Variants in FAT3 observed in about 807,000 individuals in gnomAD.
FAT3 encodes protocadherin Fat 3.
A neutral mutation model predicts 310.2 loss-of-function variants in FAT3; 95 were observed. That is an observed-to-expected ratio of 0.31 (90% CI 0.26 to 0.36). FAT3 has a LOEUF of 0.36. FAT3 is among the 10% of genes least tolerant of loss of function. FAT3 has a pLI of 1.00. For synonymous variants in FAT3, 2,314 were observed against 2,192.9 expected (o/e 1.06, Z -1.54); for missense variants, 5,408 against 5,715.6 (o/e 0.95, Z 1.74).
chr11:92,317,818 C>A (rs1171594398), intron 1 of FAT3, among the ~76,000 whole-genome samples: 1 of 152,126 alleles, frequency 6.6e-6, no homozygotes, highest in Non-Finnish European at 1.5e-5. Context: ...AGCAGTTTTC[C>A]CCAAAGTGGC....
At chr11:92,265,827 T>A (rs1945928310) in intron 1 of FAT3, among the ~76,000 whole-genome samples, 1 of 152,028 alleles carries the variant, frequency 6.6e-6, no homozygotes, top group South Asian at 2.1e-4. Flanking sequence ...ACCCTCATGA[T>A]TTAATCACCT....
chr11:92,361,465 C>G (rs1460364644), intron 2 of FAT3, among the ~76,000 whole-genome samples: 1 of 151,986 alleles, frequency 6.6e-6, no homozygotes, highest in South Asian at 2.1e-4. Context: ...ATTCCACCCT[C>G]GTGAATGGGA....
chr11:92,298,736 A>G (rs1946915659), intron 1 of FAT3, among the ~76,000 whole-genome samples: 1 of 152,122 alleles, frequency 6.6e-6, no homozygotes, highest in Admixed American at 6.6e-5. Flanking sequence ...TGTTCAGCCT[A>G]AATAACTAAG....
intron 2 of FAT3, among the ~76,000 whole-genome samples, chr11:92,488,512 T>G (rs1248546450): frequency 9.0e-6 from 1 of 110,594 alleles, no homozygotes; most frequent in East Asian, 3.1e-4. Context: ...GCACAATAAT[T>G]TGTACTTATA....
intron 2 of FAT3, among the ~76,000 whole-genome samples, chr11:92,457,529 G>A (rs991383724): frequency 6.6e-6 from 1 of 152,004 alleles, no homozygotes; most frequent in African/African-American, 2.4e-5. Context: ...AACATTAGTC[G>A]ATATCCTGGC....
At chr11:92,583,523 G>A (rs1938939860) in intron 3 of FAT3, among the ~76,000 whole-genome samples, 1 of 152,014 alleles carries the variant, frequency 6.6e-6, no homozygotes, top group African/African-American at 2.4e-5. Flanking sequence ...AAACCGCAAA[G>A]TATAAATGAT....
intron 3 of FAT3, among the ~76,000 whole-genome samples, chr11:92,586,048 A>G (rs534797125): frequency 1.3e-5 from 2 of 152,112 alleles, no homozygotes; most frequent in South Asian, 4.1e-4. Flanking sequence ...GAGATGACTG[A>G]TGATATACTG....
At chr11:92,257,018 G>C (rs1387153678) in intron 1 of FAT3, among the ~76,000 whole-genome samples, 4 of 151,944 alleles carry the variant, frequency 2.6e-5, no homozygotes, top group Non-Finnish European at 5.9e-5. Context: ...GAATTTTTGA[G>C]GGTTTTAGAA....
At chr11:92,333,087 C>G (rs1440703686) in intron 1 of FAT3, among the ~76,000 whole-genome samples, 2 of 152,084 alleles carry the variant, frequency 1.3e-5, no homozygotes, top group Non-Finnish European at 2.9e-5. Flanking sequence ...GCCAAGAACC[C>G]AAGCACCATA....
intron 4 of FAT3, among the ~76,000 whole-genome samples, chr11:92,731,624 T>G (rs1945181209): frequency 6.6e-6 from 1 of 152,030 alleles, no homozygotes; most frequent in Admixed American, 6.6e-5. Context: ...TCATATCATC[T>G]AAAGTCTAGG....
intron 1 of FAT3, among the ~76,000 whole-genome samples, chr11:92,349,475 A>G (rs1204232273): frequency 2.6e-5 from 4 of 152,218 alleles, no homozygotes; most frequent in Admixed American, 1.3e-4. Context: ...TGTGCTCTAC[A>G]AAGTAGACAC....
intron 2 of FAT3, among the ~76,000 whole-genome samples, chr11:92,467,780 A>AT (rs1319675253): frequency 6.6e-6 from 1 of 152,084 alleles, no homozygotes; most frequent in African/African-American, 2.4e-5. Context: ...GTTTTTGAAC[A>AT]TTTTTTCTGA....
intron 4 of FAT3, among the ~76,000 whole-genome samples, chr11:92,698,052 C>T (rs1943991009): frequency 2.0e-5 from 3 of 152,066 alleles, no homozygotes; most frequent in South Asian, 2.1e-4. Context: ...CTTTAAGCAT[C>T]GAGTGTCTTT....
chr11:92,227,734 CT>C (rs1221509580), intron 1 of FAT3, among the ~76,000 whole-genome samples: 1 of 144,196 alleles, frequency 6.9e-6, no homozygotes, highest in Non-Finnish European at 1.5e-5. Flanking sequence ...ACTGCTTCTG[CT>C]TTTTTTCTTT....
At chr11:92,565,845 T>G (rs1212262532) in intron 3 of FAT3, among the ~76,000 whole-genome samples, 2 of 152,122 alleles carry the variant, frequency 1.3e-5, no homozygotes, top group Non-Finnish European at 2.9e-5. Context: ...AACCCTTCAT[T>G]CTAAAAACTC....
chr11:92,811,532 A>G (rs1565617332), intron 13 of FAT3, among the ~76,000 whole-genome samples: 1 of 152,106 alleles, frequency 6.6e-6, no homozygotes, highest in East Asian at 1.9e-4. Context: ...GCTGTTTTGC[A>G]AGTTGTGAAG....
chr11:92,477,832 A>G (rs1952088826), intron 2 of FAT3, among the ~76,000 whole-genome samples: 1 of 152,240 alleles, frequency 6.6e-6, no homozygotes, highest in Non-Finnish European at 1.5e-5. Flanking sequence ...TATGCAAGTC[A>G]TAATCAGACT....
At chr11:92,635,895 G>C (rs189611292) in intron 3 of FAT3, among the ~76,000 whole-genome samples, 1 of 152,308 alleles carries the variant, frequency 6.6e-6, no homozygotes, top group East Asian at 1.9e-4. Flanking sequence ...TGGGTGTTCA[G>C]TAACAAAGTA....
At chr11:92,777,129 C>A (rs1053452940) in intron 7 of FAT3, among the ~76,000 whole-genome samples, 1 of 152,188 alleles carries the variant, frequency 6.6e-6, no homozygotes, top group Non-Finnish European at 1.5e-5. Context: ...AAACAGATAA[C>A]CTTCACCATA....
Sources: gnomAD v4.1 joint callset for allele counts (sites outside exome capture counted in the v4.1 genomes callset) on GRCh38, gnomAD v4.1.1 for gene constraint, MANE v1.5 for transcripts, NCBI Gene and HGNC (gene_info 2026-07-23, HGNC 2026-07-21) for gene names.